The following KHDRBS3 variants were observed in gnomAD, a reference collection of about 807,000 sequenced individuals.
The protein encoded by KHDRBS3 is KH RNA binding domain containing, signal transduction associated 3.
Under a neutral mutation model 45.6 loss-of-function variants are expected in KHDRBS3, and 23 were observed. That is an observed-to-expected ratio of 0.50 (90% CI 0.36 to 0.72). The LOEUF (loss-of-function observed/expected upper bound fraction) is 0.72, where lower values mean the gene tolerates loss of function less well. Among genes scored for constraint, KHDRBS3 ranks in the 30% least tolerant of loss-of-function variants. The probability of loss-of-function intolerance (pLI) is 0.00; values close to 1 mark genes in which losing one functional copy is unlikely to be tolerated. For missense variants in KHDRBS3, 352 were observed against 424.8 expected, an observed-to-expected ratio of 0.83 and a Z score of 1.51; for synonymous variants, 162 against 156.5, an observed-to-expected ratio of 1.04 and a Z score of -0.26.
At chr8:135,584,411 A>G (rs1828363261) in intron 6 of KHDRBS3, among the ~76,000 whole-genome samples, 1 of 152,246 alleles carries the variant, frequency 6.6e-6, no homozygotes, top group Admixed American at 6.5e-5. Flanking sequence ...AAATACCATC[A>G]TGAGTGCACC....
At chr8:135,548,977 C>A in intron 4 of KHDRBS3, 77 bp downstream of exon 4, 2 of 1,012,958 alleles carry the variant, frequency 2.0e-6, no homozygotes, top group Non-Finnish European at 2.8e-6. Context: ...TTGTCTGTAA[C>A]TGTTATTTGC....
intron 2 of KHDRBS3, among the ~76,000 whole-genome samples, chr8:135,530,179 C>A (rs1031627656): frequency 2.0e-5 from 3 of 152,070 alleles, no homozygotes; most frequent in Admixed American, 6.5e-5. Context: ...TATTGCTGAA[C>A]CAAAAAGCAA....
At chr8:135,547,849 C>T (rs1007322636) in intron 3 of KHDRBS3, among the ~76,000 whole-genome samples, 41 of 152,072 alleles carry the variant, frequency 2.7e-4, no homozygotes, top group Admixed American at 2.1e-3. Context: ...TAATGGAAGA[C>T]CCAGATTCTG....
chr8:135,652,607 A>G (rs2131221097), downstream of KHDRBS3, among the ~76,000 whole-genome samples: 1 of 152,308 alleles, frequency 6.6e-6, no homozygotes, highest in South Asian at 2.1e-4. Flanking sequence ...ATGCACACAA[A>G]TGAATGAACA....
At chr8:135,479,533 A>G (rs1303216731) in intron 1 of KHDRBS3, among the ~76,000 whole-genome samples, 1 of 152,218 alleles carries the variant, frequency 6.6e-6, no homozygotes, top group Admixed American at 6.5e-5. Flanking sequence ...GGAAAGTCCA[A>G]GATTAAGGTG....
intron 6 of KHDRBS3, among the ~76,000 whole-genome samples, chr8:135,604,621 C>G (rs754803923): frequency 2.0e-5 from 3 of 151,586 alleles, no homozygotes; most frequent in African/African-American, 7.2e-5. Context: ...CACAAAAATG[C>G]TTTTTAATAG....
intron 4 of KHDRBS3, chr8:135,549,168 G>A: frequency 3.8e-6 from 1 of 263,138 alleles, no homozygotes; most frequent in Non-Finnish European, 7.1e-6. Flanking sequence ...CACTAGTTCA[G>A]GTTTTGAAAC....
downstream of KHDRBS3, among the ~76,000 whole-genome samples, chr8:135,649,151 A>C (rs1831378814): frequency 6.6e-6 from 1 of 152,156 alleles, no homozygotes; most frequent in Non-Finnish European, 1.5e-5. Context: ...TATAAAGGAA[A>C]AGTATTATTA....
chr8:135,459,955 G>T (rs908046732), intron 1 of KHDRBS3, among the ~76,000 whole-genome samples: 19 of 152,196 alleles, frequency 1.2e-4, no homozygotes, highest in Admixed American at 1.0e-3. Context: ...AGGAGGTGCT[G>T]CTCAGAATCT....
rs751491768 is a variant in KHDRBS3, at chr8:135,521,382, G to A, written c.207+27G>A. 4 of 1,255,850 alleles carry A rather than the reference G, an allele frequency of 3.2e-6. No individual in the cohort carries two copies. The East Asian group carries it at 7.0e-5, about 22-fold the overall frequency. 77.8% of individuals were successfully genotyped at this position (1,255,850 alleles called of 1,614,324 possible). ...TAAGACAGTGAGGTCTACACTGCAGGTATTTTAACCTGAATCAAAGGGGAG... is the reference window on the plus strand; with the variant it reads ...TAAGACAGTGAGGTCTACACTGCAGATATTTTAACCTGAATCAAAGGGGAG... On this transcript the variant is annotated intron_variant, in intron 2 of 8. Transcript: ENST00000355849.
intron 1 of KHDRBS3, among the ~76,000 whole-genome samples, chr8:135,468,149 A>G (rs1821794965): frequency 6.6e-6 from 1 of 152,136 alleles, no homozygotes; most frequent in African/African-American, 2.4e-5. Flanking sequence ...TGAAGCTCAC[A>G]TTGTTTAAGA....
chr8:135,536,234 G>T (rs1261401947), intron 2 of KHDRBS3, among the ~76,000 whole-genome samples: 10 of 86,404 alleles, frequency 1.2e-4, no homozygotes, highest in South Asian at 6.4e-4. Flanking sequence ...TTTCTGTCCA[G>T]TTTTTTTTTT....
chr8:135,591,670 A>G (rs909388045), intron 6 of KHDRBS3, among the ~76,000 whole-genome samples: 2 of 152,204 alleles, frequency 1.3e-5, no homozygotes, highest in East Asian at 3.8e-4. Context: ...ACATCAATGA[A>G]GGCCTTTAAG....
At chr8:135,558,388 A>G (rs1472613071) in intron 5 of KHDRBS3, among the ~76,000 whole-genome samples, 3 of 152,202 alleles carry the variant, frequency 2.0e-5, no homozygotes, top group Admixed American at 6.5e-5. Context: ...AAATTTTTCA[A>G]TTAAACTAAT....
chr8:135,652,188 ATTCTGT>A (rs1341544258), downstream of KHDRBS3, among the ~76,000 whole-genome samples: 1 of 152,206 alleles, frequency 6.6e-6, no homozygotes, highest in Non-Finnish European at 1.5e-5. Context: ...TTTATGCCTG[ATTCTGT>A]TTCTATTTCT....
In KHDRBS3 at chr8:135,507,464, C is replaced by T. The variant is rs558612237; in HGVS notation, c.89-13773C>T. On this transcript the variant is annotated intron_variant, in intron 1 of 8. Transcript: ENST00000355849. The stretch of plus-strand genomic sequence containing the variant: ...TTGGCAAGTGGAACCCTCTAGAATG[C>T]GTAATTTTTTAACTAAACACTTTAT... 5.9e-5 allele frequency among the ~76,000 whole-genome samples: 9 copies of T among 152,224 alleles called. No homozygotes were observed. The South Asian group carries it at 1.0e-3, about 18-fold the overall frequency.
intron 6 of KHDRBS3, among the ~76,000 whole-genome samples, chr8:135,590,514 C>T (rs756647575): frequency 1.2e-4 from 19 of 152,110 alleles, no homozygotes; most frequent in Non-Finnish European, 2.4e-4. Context: ...AAGTCTGCAG[C>T]GGTTTGAGTA....
chr8:135,524,141 G>A (rs532265332), intron 2 of KHDRBS3, among the ~76,000 whole-genome samples: 2 of 151,912 alleles, frequency 1.3e-5, no homozygotes, highest in Admixed American at 1.3e-4. Flanking sequence ...CCAGTCTCCC[G>A]AGTAGCTGGG....
intron 1 of KHDRBS3, among the ~76,000 whole-genome samples, chr8:135,477,211 G>T (rs988875830): frequency 2.0e-5 from 3 of 152,036 alleles, no homozygotes; most frequent in African/African-American, 7.2e-5. Context: ...TATAGATATT[G>T]TTTTGTAGAT....
Sources: allele counts gnomAD v4.1 joint callset (sites outside exome capture counted in the v4.1 genomes callset), GRCh38; gene constraint gnomAD v4.1.1; transcripts MANE v1.5; gene names NCBI Gene and HGNC (gene_info 2026-07-23, HGNC 2026-07-21).